Variants in COMMD10 observed in about 807,000 individuals in gnomAD.
COMMD10 encodes COMM domain containing 10, also known as COMM domain-containing protein 10.
Under a neutral mutation model 28.9 loss-of-function variants are expected in COMMD10, and 33 were observed. That is an observed-to-expected ratio of 1.14 (90% CI 0.87 to 1.53). The LOEUF (loss-of-function observed/expected upper bound fraction) is 1.53. COMMD10 is among the 40% of genes most tolerant of loss of function. The probability of loss-of-function intolerance (pLI) is 0.00; values close to 1 mark genes in which losing one functional copy is unlikely to be tolerated. For missense variants in COMMD10, 310 were observed against 233.4 expected, an observed-to-expected ratio of 1.33 and a Z score of -2.14; for synonymous variants, 110 against 81.7, an observed-to-expected ratio of 1.35 and a Z score of -1.87.
chr5:116,089,140 C>A (rs749541491), intron 2 of COMMD10, among the ~76,000 whole-genome samples: 3 of 152,186 alleles, frequency 2.0e-5, no homozygotes, highest in Non-Finnish European at 4.4e-5. Flanking sequence ...CATAAAGTTA[C>A]ATTGGCTTGT....
intron 4 of COMMD10, among the ~76,000 whole-genome samples, chr5:116,124,952 A>T (rs979559323): frequency 6.6e-6 from 1 of 152,088 alleles, no homozygotes; most frequent in Non-Finnish European, 1.5e-5. Flanking sequence ...TTTTGAACCT[A>T]TGTGTGTCTC....
intron 5 of COMMD10, among the ~76,000 whole-genome samples, chr5:116,211,127 G>T (rs933360887): frequency 2.0e-5 from 3 of 151,952 alleles, no homozygotes; most frequent in African/African-American, 7.2e-5. Flanking sequence ...ATAAGGGATG[G>T]TTATATCTCT....
chr5:116,179,754 A>G (rs890219910), intron 5 of COMMD10, among the ~76,000 whole-genome samples: 4 of 152,160 alleles, frequency 2.6e-5, no homozygotes, highest in African/African-American at 7.2e-5. Flanking sequence ...GATAAAAATT[A>G]TATCAGTTTT....
chr5:116,225,812 T>A lies in COMMD10; in HGVS notation c.511-65705T>A, dbSNP rs1580563445. Among the ~76,000 whole-genome samples, 8 of 152,240 alleles carry A rather than the reference T, an allele frequency of 5.3e-5. 1 individual carries two copies. The South Asian group carries it at 1.7e-3, about 32-fold the overall frequency. Reference sequence around the variant, plus strand: ...AATCACAGATTCTAAAATCTTGTTTTTTTTTTTTTCTCTTCCTGCTTTTTC... The same window carrying A: ...AATCACAGATTCTAAAATCTTGTTTATTTTTTTTTCTCTTCCTGCTTTTTC... On this transcript the variant is annotated intron_variant, in intron 5 of 6. Coordinates refer to ENST00000274458, the MANE Select transcript of COMMD10 (RefSeq NM_016144.4).
At chr5:116,094,358 A>G (rs1207310727) in intron 4 of COMMD10, among the ~76,000 whole-genome samples, 3 of 152,222 alleles carry the variant, frequency 2.0e-5, no homozygotes, top group African/African-American at 7.2e-5. Flanking sequence ...TGGACAAAGG[A>G]TCTAAACAAA....
intron 5 of COMMD10, among the ~76,000 whole-genome samples, chr5:116,135,108 G>A (rs2063252): frequency 0.84 from 128,220 of 152,108 alleles, 54,380 homozygotes; most frequent in African/African-American, 0.92. Context: ...ATCTTTTAAG[G>A]TAGAAAAGGG....
chr5:116,205,065 T>C lies in COMMD10; in HGVS notation c.510+70887T>C, dbSNP rs577840617. Among the ~76,000 whole-genome samples, 5 of 152,322 alleles carry C rather than the reference T, an allele frequency of 3.3e-5. No individual in the cohort carries two copies. The East Asian group carries it at 9.6e-4, about 29-fold the overall frequency. On this transcript the variant is annotated intron_variant, in intron 5 of 6. Transcript: ENST00000274458. ...AAAATGACTGCCAAGCTCCAGCCGC[T>C]CTTTATTTTATTGCTTTAAACATAG...
At chr5:116,189,906 G>T (rs994716754) in intron 5 of COMMD10, among the ~76,000 whole-genome samples, 1 of 152,084 alleles carries the variant, frequency 6.6e-6, no homozygotes, top group Admixed American at 6.6e-5. Flanking sequence ...ATTTGTACTA[G>T]GCATGTACTC....
At chr5:116,167,602 C>T (rs913167969) in intron 5 of COMMD10, among the ~76,000 whole-genome samples, 1 of 150,792 alleles carries the variant, frequency 6.6e-6, no homozygotes, top group East Asian at 2.0e-4. Flanking sequence ...AGAGACAGGT[C>T]AGGGAAGCCC....
chr5:116,233,863 G>A lies in COMMD10; in HGVS notation c.511-57654G>A, dbSNP rs902073854. 2.6e-5 allele frequency among the ~76,000 whole-genome samples: 4 copies of A among 152,072 alleles called. No homozygotes were observed. In the East Asian group the frequency reaches 7.7e-4, roughly 29 times the overall value. ...AGCCATTGTTAGGATTTTAGCTCTC[G>A]TTTTCAGATGGGAAGCTATTTGAGG... On this transcript the variant is annotated intron_variant, in intron 5 of 6. Coordinates refer to ENST00000274458, the MANE Select transcript of COMMD10 (RefSeq NM_016144.4).
chr5:116,086,089 C>G (rs1015919867), intron 1 of COMMD10, among the ~76,000 whole-genome samples: 2 of 152,084 alleles, frequency 1.3e-5, no homozygotes, highest in African/African-American at 4.8e-5. Flanking sequence ...ATTTAAATAC[C>G]CTCTAGAGGA....
At position 116,278,904 on chromosome 5, in the gene COMMD10, C is replaced by G. The variant is rs1278085256; in HGVS notation, c.511-12613C>G. On this transcript the variant is annotated intron_variant, in intron 5 of 6. Coordinates refer to ENST00000274458, the MANE Select transcript of COMMD10 (RefSeq NM_016144.4). Reference sequence around the variant, plus strand: ...CCTGTAAGACTACTACCATTGGGGTCAAATACTACAATATAATTAGAAAAT... The same window carrying G: ...CCTGTAAGACTACTACCATTGGGGTGAAATACTACAATATAATTAGAAAAT... Among the ~76,000 whole-genome samples the G allele has an allele frequency of 4.0e-5, 6 of 151,888 alleles. No individual in the cohort carries two copies. In the East Asian group the frequency reaches 1.2e-3, roughly 29 times the overall value.
chr5:116,134,977 A>T (rs1262334018), intron 5 of COMMD10, among the ~76,000 whole-genome samples: 1 of 152,112 alleles, frequency 6.6e-6, no homozygotes, highest in African/African-American at 2.4e-5. Context: ...GAACAACTTG[A>T]ACGTGATTAT....
At chr5:116,219,125 C>T (rs889858881) in intron 5 of COMMD10, among the ~76,000 whole-genome samples, 1 of 152,108 alleles carries the variant, frequency 6.6e-6, no homozygotes, top group Non-Finnish European at 1.5e-5. Context: ...CAGGAGAAAC[C>T]AGCCCTGCGG....
At chr5:116,232,867 A>G (rs971703759) in intron 5 of COMMD10, among the ~76,000 whole-genome samples, 13 of 152,186 alleles carry the variant, frequency 8.5e-5, no homozygotes, top group African/African-American at 3.1e-4. Context: ...AACCTATGAG[A>G]TACAGGACAA....
chr5:116,237,615 G>C (rs1484455629), intron 5 of COMMD10, among the ~76,000 whole-genome samples: 1 of 152,088 alleles, frequency 6.6e-6, no homozygotes, highest in Non-Finnish European at 1.5e-5. Flanking sequence ...TTTGAGGCTA[G>C]CCTGGGCAAC....
intron 5 of COMMD10, among the ~76,000 whole-genome samples, chr5:116,208,248 G>A (rs1177234851): frequency 6.6e-6 from 1 of 152,176 alleles, no homozygotes; most frequent in East Asian, 1.9e-4. Context: ...TTGACCAGCT[G>A]TATTCAGTTA....
chr5:116,208,063 A>C (rs1748861579), intron 5 of COMMD10, among the ~76,000 whole-genome samples: 1 of 152,146 alleles, frequency 6.6e-6, no homozygotes, highest in Non-Finnish European at 1.5e-5. Context: ...TGCTTACTAG[A>C]AAAGTTGAAG....
chr5:116,158,140 C>T (rs1395930570), intron 5 of COMMD10, among the ~76,000 whole-genome samples: 7 of 102,620 alleles, frequency 6.8e-5, no homozygotes, highest in Non-Finnish European at 1.9e-5. Context: ...CTCCCTTCCC[C>T]TCCCTCCCTT....
Sources: allele counts gnomAD v4.1 joint callset (sites outside exome capture counted in the v4.1 genomes callset), GRCh38; gene constraint gnomAD v4.1.1; transcripts MANE v1.5; gene names NCBI Gene and HGNC (gene_info 2026-07-23, HGNC 2026-07-21).